Variants in SPTLC3 observed in about 807,000 individuals in gnomAD.
The protein encoded by SPTLC3 is serine palmitoyltransferase 3.
SPTLC3 carries 36 observed loss-of-function variants against 59.3 expected under a neutral mutation model. The ratio of observed to expected loss-of-function variants is 0.61; its 90% confidence interval spans 0.47 to 0.80. The LOEUF (loss-of-function observed/expected upper bound fraction) is 0.80. Among genes scored for constraint, SPTLC3 ranks in the 30% least tolerant of loss-of-function variants. The pLI is 0.00. For missense variants in SPTLC3, 625 were observed against 685.1 expected (o/e 0.91, Z 0.98); for synonymous variants, 257 against 240.8 (o/e 1.07, Z -0.62).
At chr20:13,072,454 T>C in intron 3 of SPTLC3, 44 bp downstream of exon 3, 2 of 1,498,346 alleles carry the variant, frequency 1.3e-6, no homozygotes, top group Non-Finnish European at 1.8e-6. Flanking sequence ...GAAAAACCTT[T>C]CAAGGAAATC....
At chr20:13,124,007 G>T (rs1001778906) in intron 8 of SPTLC3, among the ~76,000 whole-genome samples, 1 of 152,188 alleles carries the variant, frequency 6.6e-6, no homozygotes, top group African/African-American at 2.4e-5. Context: ...GACTGCTGCT[G>T]TCTCTTTGAG....
At chr20:13,156,527 A>G (rs2038772149) in intron 10 of SPTLC3, among the ~76,000 whole-genome samples, 1 of 152,180 alleles carries the variant, frequency 6.6e-6, no homozygotes, top group South Asian at 2.1e-4. Flanking sequence ...CTGAAGCTCC[A>G]GTTTTCTCAT....
intron 4 of SPTLC3, among the ~76,000 whole-genome samples, chr20:13,086,868 A>T (rs780307269): frequency 4.3e-4 from 66 of 151,790 alleles, no homozygotes; most frequent in Admixed American, 5.3e-4. Flanking sequence ...ATCATAGCTC[A>T]CTTCAGCCTC....
chr20:13,028,465 C>G (rs75702030), intron 1 of SPTLC3, among the ~76,000 whole-genome samples: 8,370 of 152,102 alleles, frequency 0.055, 271 homozygotes, highest in South Asian at 0.084. Context: ...TCACTATCGT[C>G]CATAAATTCA....
chr20:13,099,102 C>T (rs1015144875), intron 6 of SPTLC3, among the ~76,000 whole-genome samples: 3 of 152,104 alleles, frequency 2.0e-5, no homozygotes, highest in African/African-American at 7.2e-5. Context: ...GAATTCAGGC[C>T]GCAAAACAGC....
rs542867255 is a variant in SPTLC3, at chr20:13,116,536, T to C, written c.933-970T>C. 2.0e-5 allele frequency among the ~76,000 whole-genome samples: 3 copies of C among 152,318 alleles called. No homozygotes were observed. In the East Asian group the frequency reaches 5.8e-4, roughly 29 times the overall value. Reference sequence around the variant, plus strand: ...TTTATTTATTCATAGACTACATTTTTTTCCCTTTGTGCCGGAGGATGTACC... The same window carrying C: ...TTTATTTATTCATAGACTACATTTTCTTCCCTTTGTGCCGGAGGATGTACC... On this transcript the variant is annotated intron_variant, in intron 7 of 11. Transcript: ENST00000399002.
intron 1 of SPTLC3, among the ~76,000 whole-genome samples, chr20:13,015,779 C>A (rs1985496662): frequency 1.3e-5 from 2 of 152,016 alleles, no homozygotes; most frequent in South Asian, 4.1e-4. Flanking sequence ...TCTATTAGTA[C>A]ATGAACAGAT....
In SPTLC3 at chr20:13,093,587, A is replaced by G. The variant is rs775573691; in HGVS notation, c.826+10A>G. 1.4e-5 allele frequency: 22 copies of G among 1,610,870 alleles called. No individual in the cohort carries two copies. The African/African-American group carries it at 1.9e-4, about 14-fold the overall frequency. ...ATCTTCAAACACAACAGTGAGTATC[A>G]GTGTATTTTCTCAACATGTACTGGA... On this transcript the variant is annotated intron_variant, in intron 6 of 11. Coordinates refer to ENST00000399002, the MANE Select transcript of SPTLC3 (RefSeq NM_018327.4).
chr20:13,069,960 G>A (rs922919350), intron 2 of SPTLC3, among the ~76,000 whole-genome samples: 3 of 151,870 alleles, frequency 2.0e-5, no homozygotes, highest in Non-Finnish European at 4.4e-5. Flanking sequence ...TTTCAAATAA[G>A]ACTTTTAAAA....
chr20:13,158,716 C>A (rs959915024), intron 10 of SPTLC3, among the ~76,000 whole-genome samples: 2 of 152,172 alleles, frequency 1.3e-5, no homozygotes, highest in Admixed American at 1.3e-4. Flanking sequence ...AATGTTGCCT[C>A]GCCCAAGCCA....
chr20:13,134,286 C>T (rs78026737), intron 9 of SPTLC3, among the ~76,000 whole-genome samples: 2,814 of 152,240 alleles, frequency 0.018, 54 homozygotes, highest in South Asian at 0.03. Flanking sequence ...ATTGTATCTC[C>T]GAATACTTAA....
At chr20:13,086,004 T>C (rs1381326159) in intron 4 of SPTLC3, among the ~76,000 whole-genome samples, 1 of 152,098 alleles carries the variant, frequency 6.6e-6, no homozygotes, top group Non-Finnish European at 1.5e-5. Flanking sequence ...CAATAGCCAA[T>C]CTATGGCTGT....
At chr20:13,155,958 A>G (rs77726341) in intron 10 of SPTLC3, among the ~76,000 whole-genome samples, 2,182 of 152,348 alleles carry the variant, frequency 0.014, 25 homozygotes, top group South Asian at 0.028. Context: ...GACATGTTAT[A>G]TATCATACTG....
intron 2 of SPTLC3, among the ~76,000 whole-genome samples, chr20:13,064,814 G>A (rs1036885189): frequency 6.6e-6 from 1 of 152,068 alleles, no homozygotes; most frequent in Non-Finnish European, 1.5e-5. Context: ...CAGTCTTCCT[G>A]TTCAGAAATC....
At chr20:13,091,345 C>G in intron 5 of SPTLC3, 138 bp downstream of exon 5, 6 of 1,055,998 alleles carry the variant, frequency 5.7e-6, no homozygotes, top group Non-Finnish European at 7.9e-6. Flanking sequence ...GAGCCCAAGG[C>G]GGGCGGATCA....
chr20:13,120,505 A>G (rs1435392722), intron 8 of SPTLC3, among the ~76,000 whole-genome samples: 1 of 152,178 alleles, frequency 6.6e-6, no homozygotes, highest in Non-Finnish European at 1.5e-5. Context: ...AAAAGAGATA[A>G]AAACATCTGG....
chr20:13,084,953 T>C (rs963963572), intron 4 of SPTLC3, among the ~76,000 whole-genome samples: 1 of 152,230 alleles, frequency 6.6e-6, no homozygotes, highest in Non-Finnish European at 1.5e-5. Flanking sequence ...TTGTTTGATG[T>C]GAAAGACCAT....
chr20:13,162,496 A>G (rs1055153513), intron 11 of SPTLC3, among the ~76,000 whole-genome samples: 2 of 152,218 alleles, frequency 1.3e-5, no homozygotes, highest in African/African-American at 4.8e-5. Flanking sequence ...TGTACATGTA[A>G]GAGAAAATGG....
intron 2 of SPTLC3, among the ~76,000 whole-genome samples, chr20:13,062,646 A>AT (rs1365219323): frequency 6.6e-6 from 1 of 151,896 alleles, no homozygotes; most frequent in African/African-American, 2.4e-5. Flanking sequence ...TTGTGCATGC[A>AT]TTTTTTCTGT....
Sources: allele counts gnomAD v4.1 joint callset (sites outside exome capture counted in the v4.1 genomes callset), GRCh38; gene constraint gnomAD v4.1.1; transcripts MANE v1.5; gene names NCBI Gene and HGNC (gene_info 2026-07-23, HGNC 2026-07-21).